The following PDS5A variants were observed in gnomAD, a reference collection of about 807,000 sequenced individuals.
The protein encoded by PDS5A is sister chromatid cohesion protein PDS5 homolog A.
Under a neutral mutation model 167.1 loss-of-function variants are expected in PDS5A, and 42 were observed. That is an observed-to-expected ratio of 0.25 (90% CI 0.20 to 0.33). The LOEUF is 0.33. PDS5A is among the 10% of genes least tolerant of loss of function. The probability of loss-of-function intolerance (pLI) is 1.00; values close to 1 mark genes in which losing one functional copy is unlikely to be tolerated. For synonymous variants in PDS5A, 553 were observed against 554.6 expected (o/e 1.00, Z 0.04); for missense variants, 1,033 against 1,605.9 (o/e 0.64, Z 6.10).
intron 17 of PDS5A, among the ~76,000 whole-genome samples, chr4:39,880,591 T>C (rs1720846277): frequency 6.6e-6 from 1 of 152,108 alleles, no homozygotes; most frequent in African/African-American, 2.4e-5. Context: ...TTTCCTTTGG[T>C]GTTATGTCAA....
intron 6 of PDS5A, among the ~76,000 whole-genome samples, chr4:39,921,669 T>C (rs1366704818): frequency 6.6e-6 from 1 of 150,796 alleles, no homozygotes; most frequent in Non-Finnish European, 1.5e-5. Flanking sequence ...GGAGGATCAC[T>C]TGAGCCCAGG....
intron 2 of PDS5A, among the ~76,000 whole-genome samples, chr4:39,954,962 C>A (rs1728790149): frequency 6.6e-6 from 1 of 151,846 alleles, no homozygotes; most frequent in East Asian, 1.9e-4. Flanking sequence ...ATGGCTTGAA[C>A]CCAGGAGGTG....
chr4:39,956,376 C>T (rs957057368), intron 2 of PDS5A, among the ~76,000 whole-genome samples: 1 of 151,294 alleles, frequency 6.6e-6, no homozygotes, highest in Admixed American at 6.6e-5. Flanking sequence ...GCCTGTAGTC[C>T]CAGCTACTTG....
chr4:39,858,856 C>T (rs1263162127), intron 26 of PDS5A, among the ~76,000 whole-genome samples: 4 of 152,132 alleles, frequency 2.6e-5, no homozygotes, highest in Non-Finnish European at 5.9e-5. Flanking sequence ...AACTCCTAAC[C>T]TCAGGTGATC....
intron 19 of PDS5A, among the ~76,000 whole-genome samples, chr4:39,876,527 T>C (rs1720475504): frequency 6.6e-6 from 1 of 152,224 alleles, no homozygotes; most frequent in Non-Finnish European, 1.5e-5. Context: ...GTCTTCTGCA[T>C]ATTTTAAGTC....
At chr4:39,858,650 T>A (rs1273776659) in intron 26 of PDS5A, among the ~76,000 whole-genome samples, 1 of 152,122 alleles carries the variant, frequency 6.6e-6, no homozygotes, top group Non-Finnish European at 1.5e-5. Context: ...TAAGATGCAG[T>A]TTCACTCTTA....
chr4:39,970,799 T>C (rs1730447548), intron 2 of PDS5A, among the ~76,000 whole-genome samples: 1 of 146,060 alleles, frequency 6.8e-6, no homozygotes, highest in Non-Finnish European at 1.5e-5. Context: ...CCTTTTTTTT[T>C]TTTTTTTTTT....
intron 2 of PDS5A, among the ~76,000 whole-genome samples, chr4:39,941,422 T>C (rs930071299): frequency 2.0e-5 from 3 of 152,246 alleles, no homozygotes; most frequent in Non-Finnish European, 4.4e-5. Context: ...TCACTGAGCA[T>C]ATACATGGAC....
chr4:39,937,720 G>C lies in PDS5A; in HGVS notation c.139-9556C>G, dbSNP rs903785844. 1.1e-4 allele frequency among the ~76,000 whole-genome samples: 17 copies of C among 152,206 alleles called. No homozygotes were observed. The South Asian group carries it at 1.2e-3, about 11-fold the overall frequency. On this transcript the variant is annotated intron_variant, in intron 2 of 32. Transcript: ENST00000303538. ...CTGTGTCCAGCCAAATGAACTTTTT[G>C]TAAGTCCAACATAGCAAATGAGAAC...
intron 32 of PDS5A, among the ~76,000 whole-genome samples, chr4:39,826,083 A>C: frequency 6.6e-6 from 1 of 152,174 alleles, no homozygotes; most frequent in Admixed American, 6.5e-5. Flanking sequence ...TTATCATACT[A>C]TGGCAAAATG....
chr4:39,957,774 G>C (rs947586538), intron 2 of PDS5A, among the ~76,000 whole-genome samples: 3 of 129,472 alleles, frequency 2.3e-5, no homozygotes, highest in East Asian at 4.9e-4. Flanking sequence ...GCGACAGTGT[G>C]AGACTCCATC....
rs904951162 is a variant in PDS5A, at chr4:39,896,430, G to C, written c.1770+1959C>G. Among the ~76,000 whole-genome samples the C allele has an allele frequency of 4.7e-5, 7 of 149,086 alleles. No homozygotes were observed. The East Asian group carries it at 1.4e-3, about 29-fold the overall frequency. The stretch of plus-strand genomic sequence containing the variant: ...TTTTGTGTACAGCTGTACACAAAAT[G>C]GTTTCTTTCCTTATATCCTTATTCT... On this transcript the variant is annotated intron_variant, in intron 16 of 32. Transcript: ENST00000303538.
intron 16 of PDS5A, among the ~76,000 whole-genome samples, chr4:39,896,345 T>C (rs1281960959): frequency 1.2e-5 from 1 of 86,168 alleles, no homozygotes; most frequent in East Asian, 2.1e-4. Flanking sequence ...TGTACTGATC[T>C]TTTTTTTTTT....
intron 32 of PDS5A, among the ~76,000 whole-genome samples, chr4:39,833,812 T>C (rs553859674): frequency 6.6e-5 from 10 of 152,146 alleles, no homozygotes; most frequent in African/African-American, 1.9e-4. Flanking sequence ...GCAGAAACAA[T>C]AGCCAACACT....
intron 16 of PDS5A, among the ~76,000 whole-genome samples, chr4:39,890,939 T>C (rs566381433): frequency 6.6e-6 from 1 of 152,102 alleles, no homozygotes; most frequent in Admixed American, 6.5e-5. Flanking sequence ...TTTTTAATAC[T>C]CTAATTTAGA....
chr4:39,825,176 A>G lies in PDS5A; in HGVS notation c.*309T>C, dbSNP rs1715179544. The G allele has an allele frequency of 7.0e-6, 2 of 286,446 alleles. No homozygotes were observed. The highest frequency in any genetic ancestry group is 1.5e-4 in the South Asian group (1 of 6,456). The allele number at this position is 286,446 out of a possible 1,614,324, so 17.7% of individuals were successfully genotyped here. A position where few individuals can be genotyped will look rare whatever the true frequency, so the allele number is the denominator to read the frequency against. ...TGTATTACGCATTTAAACTCCAGAT[A>G]GGCAGGAACTGGAACCAAGTGTTAA... On this transcript the variant is annotated 3_prime_UTR_variant, in exon 33 of 33. Coordinates refer to ENST00000303538, the MANE Select transcript of PDS5A (RefSeq NM_001100399.2).
intron 32 of PDS5A, among the ~76,000 whole-genome samples, chr4:39,829,047 G>C (rs144235711): frequency 1.0e-3 from 153 of 152,192 alleles, no homozygotes; most frequent in Non-Finnish European, 1.3e-3. Flanking sequence ...ACAATGCAAG[G>C]CCCCTAAGGA....
intron 9 of PDS5A, among the ~76,000 whole-genome samples, chr4:39,910,881 G>C (rs1272326659): frequency 6.6e-6 from 1 of 152,034 alleles, no homozygotes; most frequent in East Asian, 1.9e-4. Context: ...TGTAGTCCCA[G>C]CTATTACTCA....
chr4:39,826,476 T>A (rs938714377), intron 32 of PDS5A, among the ~76,000 whole-genome samples: 1 of 140,736 alleles, frequency 7.1e-6, no homozygotes, highest in African/African-American at 2.6e-5. Flanking sequence ...TCCACATTTT[T>A]ATTTATTTAT....
Sources: gnomAD v4.1 joint callset for allele counts (sites outside exome capture counted in the v4.1 genomes callset) on GRCh38, gnomAD v4.1.1 for gene constraint, MANE v1.5 for transcripts, NCBI Gene and HGNC (gene_info 2026-07-23, HGNC 2026-07-21) for gene names.